Variants in EBF4 observed in about 807,000 individuals in gnomAD.
The protein encoded by EBF4 is EBF transcription factor 4, also known as transcription factor COE4.
Under a neutral mutation model 67.1 loss-of-function variants are expected in EBF4, and 34 were observed. That is an observed-to-expected ratio of 0.51 (90% CI 0.39 to 0.67). The LOEUF (loss-of-function observed/expected upper bound fraction) is 0.67. EBF4 is among the 30% of genes least tolerant of loss of function. EBF4 has a pLI of 0.00. For missense variants in EBF4, 837 were observed against 873.3 expected (o/e 0.96, Z 0.52); for synonymous variants, 387 against 377.7 (o/e 1.02, Z -0.29).
chr20:2,693,306 G>T (rs1430196550), upstream of EBF4, among the ~76,000 whole-genome samples: 11 of 149,600 alleles, frequency 7.4e-5, no homozygotes, highest in East Asian at 2.2e-3. The surrounding 1 kb of genome is among the most constrained non-coding windows in gnomAD (Gnocchi z 4.6). Flanking sequence ...CCGGGCAGCC[G>T]CCAGAGCGCG....
chr20:2,749,281 C>T, intron 7 of EBF4, 120 bp from the exon 8 acceptor site: 1 of 724,434 alleles, frequency 1.4e-6, no homozygotes, highest in Non-Finnish European at 2.2e-6. Flanking sequence ...CTCCTCCTCC[C>T]ACCAGTGACC....
At chr20:2,742,711 C>T (rs2087986326) in intron 6 of EBF4, among the ~76,000 whole-genome samples, 1 of 152,154 alleles carries the variant, frequency 6.6e-6, no homozygotes, top group African/African-American at 2.4e-5. Flanking sequence ...CCCCTGCCCC[C>T]ATCCTGGTCA....
intron 6 of EBF4, among the ~76,000 whole-genome samples, chr20:2,732,344 G>C: frequency 6.6e-6 from 1 of 152,044 alleles, no homozygotes; most frequent in East Asian, 1.9e-4. Flanking sequence ...CTGGTCTTGA[G>C]CTCCTGGATT....
At chr20:2,732,818 T>G (rs1250194182) in intron 6 of EBF4, among the ~76,000 whole-genome samples, 2 of 136,052 alleles carry the variant, frequency 1.5e-5, no homozygotes, top group Non-Finnish European at 3.1e-5. Flanking sequence ...TTTTTTCTTT[T>G]TCTTATTTTT....
intron 6 of EBF4, among the ~76,000 whole-genome samples, chr20:2,740,107 G>T (rs1234257056): frequency 3.9e-5 from 6 of 152,234 alleles, no homozygotes; most frequent in Non-Finnish European, 7.3e-5. Context: ...GAGGTCAGGA[G>T]TTCATGACCA....
At chr20:2,725,156 C>T (rs1435405481) in intron 6 of EBF4, among the ~76,000 whole-genome samples, 1 of 152,168 alleles carries the variant, frequency 6.6e-6, no homozygotes, top group Non-Finnish European at 1.5e-5. Flanking sequence ...CATTTGCTTT[C>T]TCTCTTTTCT....
chr20:2,749,508 C>G, exon 8 of EBF4: 1 of 1,546,990 alleles, frequency 6.5e-7, no homozygotes, highest in Non-Finnish European at 8.7e-7. Flanking sequence ...GCCGCCTGGA[C>G]CCCTCCGAAG....
chr20:2,705,769 G>A (rs745809871), intron 2 of EBF4, 36 bp downstream of exon 2: 171 of 1,522,550 alleles, frequency 1.1e-4, no homozygotes, highest in Middle Eastern at 8.8e-4. Context: ...GACTGGCCCC[G>A]GGAGGGAACC....
intron 1 of EBF4, among the ~76,000 whole-genome samples, chr20:2,702,812 G>A (rs2087395240): frequency 6.6e-6 from 1 of 152,112 alleles, no homozygotes; most frequent in South Asian, 2.1e-4. Context: ...CCCCATCCTG[G>A]TCACTCCCCT....
At position 2,707,791 on chromosome 20, in the gene EBF4, C is replaced by T. The variant is rs757311734; in HGVS notation, c.415-156C>T. On this transcript the variant is annotated intron_variant, in intron 4 of 16. Transcript: ENST00000609451. This position sits in a 1 kb window ranked among gnomAD's most constrained non-coding sequence, Gnocchi z 4.6. ...CGGTTTGGGAGGAGGGGTTATCCCC[C>T]GCCTGGGCAGCCCAGAGCAAGGCAG... Among the ~76,000 whole-genome samples the T allele has an allele frequency of 1.3e-4, 20 of 152,276 alleles. No individual in the cohort carries two copies. The highest frequency in any genetic ancestry group is 4.1e-4 in the South Asian group (2 of 4,826).
intron 10 of EBF4, among the ~76,000 whole-genome samples, chr20:2,750,999 T>C (rs2088136053): frequency 6.6e-6 from 1 of 152,062 alleles, no homozygotes; most frequent in African/African-American, 2.4e-5. Context: ...GGCCAGGCTA[T>C]CTGAAAAGGG....
chr20:2,723,618 G>A (rs1206857107), intron 6 of EBF4, among the ~76,000 whole-genome samples: 1 of 152,122 alleles, frequency 6.6e-6, no homozygotes, highest in East Asian at 1.9e-4. Context: ...CAAAGTGCTG[G>A]GATTACAGGC....
chr20:2,705,551 G>T, intron 1 of EBF4, 26 bp from the exon 2 acceptor site: 1 of 1,551,664 alleles, frequency 6.4e-7, no homozygotes, highest in Non-Finnish European at 8.7e-7. Context: ...CCTTCCAGTG[G>T]TTTTCCAGCT....
chr20:2,738,024 A>T (rs1256792791), intron 6 of EBF4, among the ~76,000 whole-genome samples: 2 of 151,642 alleles, frequency 1.3e-5, no homozygotes, highest in Non-Finnish European at 2.9e-5. Flanking sequence ...CCAGAACCAG[A>T]GCCCACAGTC....
At chr20:2,738,668 C>T (rs1021340264) in intron 6 of EBF4, among the ~76,000 whole-genome samples, 1 of 152,102 alleles carries the variant, frequency 6.6e-6, no homozygotes, top group Non-Finnish European at 1.5e-5. Context: ...GCTGGGGGCC[C>T]CTTAGCAGTC....
chr20:2,693,494 C>A, upstream of EBF4: 7 of 918,086 alleles, frequency 7.6e-6, no homozygotes, highest in Non-Finnish European at 1.0e-5. The surrounding 1 kb of genome is among the most constrained non-coding windows in gnomAD (Gnocchi z 4.6). Context: ...TCCGAGGGAG[C>A]GCCCAAGAGG....
chr20:2,755,337 A>C lies in EBF4; in HGVS notation c.1541-290A>C. 2.3e-6 allele frequency: 1 copy of C among 433,076 alleles called. No individual in the cohort carries two copies. 26.8% of individuals were successfully genotyped at this position (433,076 alleles called of 1,614,324 possible). ...AAGTAGTCCAGCTGTTGCTCATCTCATTTTTGGGGGGTACCTCCCACTGTT... is the reference window on the plus strand; with the variant it reads ...AAGTAGTCCAGCTGTTGCTCATCTCCTTTTTGGGGGGTACCTCCCACTGTT... On this transcript the variant is annotated intron_variant, in intron 14 of 16. Coordinates refer to ENST00000609451, the Ensembl canonical transcript of EBF4. The surrounding 1 kb of genome is among the most constrained non-coding windows in gnomAD (Gnocchi z 4.7).
chr20:2,752,191 G>A lies in EBF4; in HGVS notation c.1279G>A (p.Val427Ile), dbSNP rs1244769045. ...GGCCCCGAGCCACCCACACCCCGCCGTCGTGGGCATCAACGCCTTCAGCAG... is the reference window on the plus strand; with the variant it reads ...GGCCCCGAGCCACCCACACCCCGCCATCGTGGGCATCAACGCCTTCAGCAG... The change falls in exon 13 of 17, where the codon GTC (valine) becomes ATC (isoleucine). Residue 427 changes from valine (V) to isoleucine (I), a missense_variant. Val to Ile is a conservative substitution (Grantham distance 29). This residue lies in a region of EBF4 where 525 missense variants were observed against 496.5 expected (regional missense o/e 1.06). Coordinates refer to ENST00000609451, the Ensembl canonical transcript of EBF4. 3.9e-5 allele frequency: 56 copies of A among 1,427,146 alleles called. No individual in the cohort carries two copies. The highest frequency in any genetic ancestry group is 4.7e-5 in the Non-Finnish European group (51 of 1,091,060). The allele number at this position is 1,427,146 out of a possible 1,614,324, so 88.4% of individuals were successfully genotyped here.
At chr20:2,759,834 C>G (rs950320518), downstream of EBF4, 1 of 152,332 alleles carries the variant, frequency 6.6e-6, no homozygotes, top group Non-Finnish European at 1.5e-5. Flanking sequence ...CCTGCACTCT[C>G]ATGCTTGCCG....
Sources: allele counts gnomAD v4.1 joint callset (sites outside exome capture counted in the v4.1 genomes callset), GRCh38; gene constraint gnomAD v4.1.1; regional missense constraint gnomAD v4.1.1; non-coding constraint Gnocchi (gnomAD v3.1); transcripts MANE v1.5; gene names NCBI Gene and HGNC (gene_info 2026-07-23, HGNC 2026-07-21).